NECTIN2: variants seen among roughly 807,000 people sequenced by gnomAD.
NECTIN2 encodes nectin-2.
A neutral mutation model predicts 56.9 loss-of-function variants in NECTIN2; 23 were observed. The observed-to-expected ratio is 0.40, with a 90% CI of 0.29 to 0.57. The LOEUF (loss-of-function observed/expected upper bound fraction) is 0.57, where lower values mean the gene tolerates loss of function less well. Ranked by LOEUF, NECTIN2 falls within the 20% of genes least tolerant of loss-of-function variation. NECTIN2 has a pLI of 0.38. For missense variants in NECTIN2, 587 were observed against 718.3 expected (o/e 0.82, Z 2.09); for synonymous variants, 302 against 313.8 (o/e 0.96, Z 0.40).
intron 5 of NECTIN2, chr19:44,881,929 T>C (rs1169032950): frequency 3.5e-6 from 1 of 289,294 alleles, no homozygotes; most frequent in Non-Finnish European, 6.4e-6. Context: ...GCATGTGAGC[T>C]ATTGTACTGG....
rs570059703 is a variant in NECTIN2 at position 44,863,032 on chromosome 19, T to A, written c.89-2239T>A. Among the ~76,000 whole-genome samples the A allele has an allele frequency of 4.8e-5, 7 of 147,160 alleles. No homozygotes were observed. In the South Asian group the frequency reaches 1.5e-3, roughly 32 times the overall value. Reference sequence around the variant, plus strand: ...AAAAAATTAGCCGGGCATGGTAGTGTGCGCCTGTAATCCCAGCTACTCGGG... The same window carrying A: ...AAAAAATTAGCCGGGCATGGTAGTGAGCGCCTGTAATCCCAGCTACTCGGG... On this transcript the variant is annotated intron_variant, in intron 1 of 8. Coordinates refer to ENST00000252483, the MANE Select transcript of NECTIN2 (RefSeq NM_001042724.2).
At chr19:44,882,850 C>T (rs1369132461) in intron 6 of NECTIN2, among the ~76,000 whole-genome samples, 7 of 150,214 alleles carry the variant, frequency 4.7e-5, no homozygotes, top group Non-Finnish European at 1.0e-4. Flanking sequence ...GATGCAATCT[C>T]GGCTCACTGC....
In NECTIN2 at chr19:44,846,593, T is replaced by A; in HGVS notation, c.68T>A (p.Leu23Gln). 6.6e-7 allele frequency: 1 copy of A among 1,525,910 alleles called. No homozygotes were observed. Among genetic ancestry groups the A allele is most frequent in the South Asian group, 1.2e-5 (1 of 83,392 alleles). 94.5% of individuals were successfully genotyped at this position (1,525,910 alleles called of 1,614,324 possible). A position where few individuals can be genotyped will look rare whatever the true frequency, so the allele number is the denominator to read the frequency against. Residue 23 changes from leucine (L) to glutamine (Q), a missense_variant, in exon 1 of 9, where the codon CTG (leucine) becomes CAG (glutamine). By Grantham distance (113) the Leu-to-Gln change is moderately radical (BLOSUM62 -2). Coordinates refer to ENST00000252483, the MANE Select transcript of NECTIN2 (RefSeq NM_001042724.2). ...PPTPLLWPLLLLLLLETGAQD... is the reference protein window; with the variant it reads ...PPTPLLWPLLQLLLLETGAQD... ...ACGCCGCTGCTGTGGCCGCTGCTGC[T>A]GCTGCTGCTCCTGGAAACCGGTGAG...
chr19:44,854,235 C>T (rs1417445769), intron 1 of NECTIN2, among the ~76,000 whole-genome samples: 1 of 151,972 alleles, frequency 6.6e-6, no homozygotes, highest in Admixed American at 6.6e-5. Flanking sequence ...GCTGGAATTA[C>T]AGGCATGCAG....
Position 44,875,427 on chromosome 19 carries a change from G to A in NECTIN2, c.1042+949G>A, listed in dbSNP as rs765912132. ...ACTATATGCGCTCACCACCAAACCC[G>A]GCTAAGTTTTGTATTTTTAGTAGAG... On this transcript the variant is annotated intron_variant, in intron 5 of 8. Transcript: ENST00000252483. The surrounding 1 kb of genome is among the most constrained non-coding windows in gnomAD (Gnocchi z 4.2). 3.3e-5 allele frequency among the ~76,000 whole-genome samples: 5 copies of A among 152,222 alleles called. No individual in the cohort carries two copies. The highest frequency in any genetic ancestry group is 1.9e-4 in the East Asian group (1 of 5,170).
chr19:44,846,546 C>G lies in NECTIN2; in HGVS notation c.21C>G (p.Leu7=), dbSNP rs1189261324. MARAAA[L]LPSRSPPTPL... ...CCTCCATGGCCCGGGCCGCTGCCCTCCTGCCGTCGAGATCGCCGCCGACGC... is the reference window on the plus strand; with the variant it reads ...CCTCCATGGCCCGGGCCGCTGCCCTGCTGCCGTCGAGATCGCCGCCGACGC... Residue 7 remains leucine (L), a synonymous_variant, in exon 1 of 9, where the codon CTC becomes CTG. Coordinates refer to ENST00000252483, the MANE Select transcript of NECTIN2 (RefSeq NM_001042724.2). 6.6e-7 allele frequency: 1 copy of G among 1,523,636 alleles called. No homozygotes were observed. Among genetic ancestry groups the G allele is most frequent in the Non-Finnish European group, 8.8e-7 (1 of 1,142,210 alleles). The allele number at this position is 1,523,636 out of a possible 1,614,324, so 94.4% of individuals were successfully genotyped here. A position where few individuals can be genotyped will look rare whatever the true frequency, so the allele number is the denominator to read the frequency against.
rs1968839809 is a variant in NECTIN2, at chr19:44,846,723, C to CT, written c.88+111dup. On this transcript the variant is annotated intron_variant, in intron 1 of 8. Coordinates refer to ENST00000252483, the MANE Select transcript of NECTIN2 (RefSeq NM_001042724.2). Reference sequence around the variant, plus strand: ...GCCCACCCCCGGCTCCCCGAGCCCCCTCTCGCGTGCCCCCTTCCTGGCTGG... The same window carrying CT: ...GCCCACCCCCGGCTCCCCGAGCCCCCTTCTCGCGTGCCCCCTTCCTGGCTGG... 1.0e-5 allele frequency: 13 copies of CT among 1,299,028 alleles called. No individual in the cohort carries two copies. In the South Asian group the frequency reaches 1.6e-4, roughly 16 times the overall value. The allele number at this position is 1,299,028 out of a possible 1,614,324, so 80.5% of individuals were successfully genotyped here.
intron 5 of NECTIN2, chr19:44,878,491 TGAGGAG>T (rs558397688): frequency 5.6e-6 from 9 of 1,611,040 alleles, no homozygotes; most frequent in Admixed American, 1.7e-5. Context: ...ATGGCAAGGA[TGAGGAG>T]GAGGAGGAGG....
Position 44,882,347 on chromosome 19 carries a change from G to C in NECTIN2, c.1179G>C (p.Gly393=). 1 of 1,473,846 alleles carries C rather than the reference G, an allele frequency of 6.8e-7. No homozygotes were observed. The highest frequency in any genetic ancestry group is 9.0e-7 in the Non-Finnish European group (1 of 1,105,310). 91.3% of individuals were successfully genotyped at this position (1,473,846 alleles called of 1,614,324 possible). A position where few individuals can be genotyped will look rare whatever the true frequency, so the allele number is the denominator to read the frequency against. ...AGCGGAAGGAGCAGACGCTGCAGGG[G>C]GCAGAGGAGGACGAAGAGTAAGTGA... ...RQQRKEQTLQ[G]AEEDEDLEGP... Residue 393 remains glycine (G), a synonymous_variant, in exon 6 of 9, where the codon GGG becomes GGC. Coordinates refer to ENST00000252483, the MANE Select transcript of NECTIN2 (RefSeq NM_001042724.2).
chr19:44,874,103 A>C lies in NECTIN2; in HGVS notation c.893+70A>C. 7.4e-7 allele frequency: 1 copy of C among 1,344,502 alleles called. No homozygotes were observed. Among genetic ancestry groups the C allele is most frequent in the Non-Finnish European group, 1.0e-6 (1 of 965,110 alleles). The allele number at this position is 1,344,502 out of a possible 1,614,324, so 83.3% of individuals were successfully genotyped here. On this transcript the variant is annotated intron_variant, in intron 4 of 8. Transcript: ENST00000252483. The surrounding 1 kb of genome is among the most constrained non-coding windows in gnomAD (Gnocchi z 6.3). Reference sequence around the variant, plus strand: ...CTGGGGGCCTGGACTCCTGGATCTAAGGGAGGAGGGGCTGGGGGCCTGGAC... The same window carrying C: ...CTGGGGGCCTGGACTCCTGGATCTACGGGAGGAGGGGCTGGGGGCCTGGAC...
At chr19:44,864,021 C>T (rs983529026) in intron 1 of NECTIN2, among the ~76,000 whole-genome samples, 2 of 151,236 alleles carry the variant, frequency 1.3e-5, no homozygotes, top group African/African-American at 2.4e-5. Flanking sequence ...TTCCCCCCCC[C>T]CAAAAAAAAA....
At chr19:44,868,638 G>T (rs2122674836) in intron 2 of NECTIN2, among the ~76,000 whole-genome samples, 1 of 151,984 alleles carries the variant, frequency 6.6e-6, no homozygotes, top group South Asian at 2.1e-4. Flanking sequence ...TTGAGGCTGG[G>T]CGTGGTGGCT....
chr19:44,878,293 G>T, intron 5 of NECTIN2: 1 of 1,361,638 alleles, frequency 7.3e-7, no homozygotes, highest in Non-Finnish European at 1.0e-6. Context: ...CACTGCTGGT[G>T]CTGCTGCTTC....
At chr19:44,848,982 G>A (rs1230826092) in intron 1 of NECTIN2, among the ~76,000 whole-genome samples, 1 of 152,168 alleles carries the variant, frequency 6.6e-6, no homozygotes, top group Admixed American at 6.5e-5. Context: ...CCACGTAGTG[G>A]AGGGGGAGGG....
chr19:44,872,253 G>T, intron 3 of NECTIN2, 104 bp downstream of exon 3: 1 of 1,298,866 alleles, frequency 7.7e-7, no homozygotes, highest in Non-Finnish European at 1.1e-6. Flanking sequence ...TGGGTTCCCT[G>T]AAGCCAAATT....
At chr19:44,853,720 C>G (rs955814408) in intron 1 of NECTIN2, among the ~76,000 whole-genome samples, 34 of 152,342 alleles carry the variant, frequency 2.2e-4, no homozygotes, top group African/African-American at 7.9e-4. Context: ...AACTCCTGAC[C>G]TCGTGATCCG....
Position 44,888,410 on chromosome 19 carries a change from C to T in NECTIN2, c.*31C>T. On this transcript the variant is annotated 3_prime_UTR_variant, in exon 9 of 9. Coordinates refer to ENST00000252483, the MANE Select transcript of NECTIN2 (RefSeq NM_001042724.2). ...CATGCGCCTGGCGTCTCACATCTCA[C>T]CTGTTGATCCCTTAGCTTTCTTGCC... The T allele has an allele frequency of 6.3e-7, 1 of 1,592,728 alleles. No homozygotes were observed. Among genetic ancestry groups the T allele is most frequent in the Non-Finnish European group, 8.6e-7 (1 of 1,165,130 alleles).
intron 5 of NECTIN2, chr19:44,878,290 G>A (rs1204437550): frequency 2.3e-6 from 3 of 1,332,038 alleles, no homozygotes; most frequent in Non-Finnish European, 3.1e-6. Flanking sequence ...GGACACTGCT[G>A]GTGCTGCTGC....
intron 3 of NECTIN2, 30 bp downstream of exon 3, chr19:44,872,179 A>T: frequency 6.2e-7 from 1 of 1,600,206 alleles, no homozygotes; most frequent in Non-Finnish European, 8.5e-7. Context: ...CCCCTCCCCC[A>T]TCAAAACTGC....
Sources: allele counts gnomAD v4.1 joint callset (sites outside exome capture counted in the v4.1 genomes callset), GRCh38; gene constraint gnomAD v4.1.1; non-coding constraint Gnocchi (gnomAD v3.1); transcripts MANE v1.5; gene names NCBI Gene and HGNC (gene_info 2026-07-23, HGNC 2026-07-21).